The following FRMD4B variants were observed in gnomAD, a reference collection of about 807,000 sequenced individuals.
FRMD4B encodes FERM domain-containing protein 4B.
Under a neutral mutation model 141.5 loss-of-function variants are expected in FRMD4B, and 74 were observed. The ratio of observed to expected loss-of-function variants is 0.52; its 90% CI spans 0.43 to 0.63. The LOEUF (loss-of-function observed/expected upper bound fraction) is 0.63. Ranked by LOEUF, FRMD4B falls within the 30% of genes least tolerant of loss-of-function variation. The pLI, the probability that FRMD4B is intolerant of heterozygous loss-of-function variation, is 0.00. For synonymous variants in FRMD4B, 506 were observed against 467.9 expected (o/e 1.08, Z -1.05); for missense variants, 1,366 against 1,253.4 (o/e 1.09, Z -1.36).
chr3:69,301,246 C>T (rs1425364853), intron 4 of FRMD4B, among the ~76,000 whole-genome samples: 1 of 152,094 alleles, frequency 6.6e-6, no homozygotes, highest in African/African-American at 2.4e-5. Context: ...GGGGTCAGTA[C>T]ATAAGGAGGG....
chr3:69,441,538 C>T (rs533888750), intron 1 of FRMD4B, among the ~76,000 whole-genome samples: 12 of 152,294 alleles, frequency 7.9e-5, no homozygotes, highest in African/African-American at 2.6e-4. Context: ...GCACTTGCCA[C>T]AATTTGAATT....
chr3:69,267,602 T>C (rs916568731), intron 5 of FRMD4B, among the ~76,000 whole-genome samples: 2,547 of 94,278 alleles, frequency 0.027, 91 homozygotes, highest in Middle Eastern at 0.047. Flanking sequence ...TGTGTATATA[T>C]ATATATATAT....
At chr3:69,272,926 G>A (rs1324847298) in intron 5 of FRMD4B, among the ~76,000 whole-genome samples, 1 of 152,162 alleles carries the variant, frequency 6.6e-6, no homozygotes, top group African/African-American at 2.4e-5. Context: ...CTCTACAAAA[G>A]TATGAAAATA....
At chr3:69,221,274 T>C (rs1278424599) in intron 9 of FRMD4B, among the ~76,000 whole-genome samples, 1 of 152,148 alleles carries the variant, frequency 6.6e-6, no homozygotes, top group East Asian at 1.9e-4. Context: ...TTCTTAATAA[T>C]GGGTGGTAAC....
chr3:69,490,707 A>G (rs569286809), intron 1 of FRMD4B, among the ~76,000 whole-genome samples: 32 of 152,220 alleles, frequency 2.1e-4, no homozygotes, highest in African/African-American at 7.0e-4. Context: ...CTTGCTTGCT[A>G]AAGGATTTAC....
chr3:69,506,748 T>G (rs1454889029), intron 1 of FRMD4B, among the ~76,000 whole-genome samples: 2 of 152,044 alleles, frequency 1.3e-5, no homozygotes, highest in Non-Finnish European at 2.9e-5. Flanking sequence ...CTCACTATGT[T>G]GCCCAGGCTG....
intron 1 of FRMD4B, among the ~76,000 whole-genome samples, chr3:69,314,320 G>A (rs1701731891): frequency 6.7e-6 from 1 of 149,602 alleles, no homozygotes; most frequent in African/African-American, 2.5e-5. Flanking sequence ...TTGAGGCCAG[G>A]AGTTTGAGAC....
chr3:69,504,629 G>T (rs779387122), intron 1 of FRMD4B, among the ~76,000 whole-genome samples: 1 of 152,154 alleles, frequency 6.6e-6, no homozygotes, highest in Non-Finnish European at 1.5e-5. Flanking sequence ...CCACATTATA[G>T]ATCTACCAAC....
intron 1 of FRMD4B, chr3:69,376,723 G>T (rs916390480): frequency 4.0e-5 from 6 of 151,886 alleles, no homozygotes; most frequent in African/African-American, 1.5e-4. Context: ...ATTACATATG[G>T]GTGTTAATTT....
chr3:69,378,956 G>C (rs1352588648), intron 1 of FRMD4B, among the ~76,000 whole-genome samples: 1 of 152,036 alleles, frequency 6.6e-6, no homozygotes, highest in African/African-American at 2.4e-5. Flanking sequence ...CTTCCCTTTT[G>C]CATTATTCCT....
chr3:69,462,760 G>A (rs560790726), intron 1 of FRMD4B, among the ~76,000 whole-genome samples: 2 of 152,354 alleles, frequency 1.3e-5, no homozygotes, highest in South Asian at 4.1e-4. Flanking sequence ...CTCTGCCACA[G>A]TCACCAACTG....
chr3:69,236,181 AG>A (rs2093344476), intron 7 of FRMD4B, among the ~76,000 whole-genome samples: 2 of 151,968 alleles, frequency 1.3e-5, no homozygotes. Context: ...GTCCCTTAGT[AG>A]TGAGGACACC....
intron 11 of FRMD4B, among the ~76,000 whole-genome samples, chr3:69,206,248 G>A (rs1176917174): frequency 6.6e-6 from 1 of 152,140 alleles, no homozygotes; most frequent in Admixed American, 6.6e-5. Context: ...TACTCGGGAG[G>A]CTGAGGCAGG....
chr3:69,279,685 TCCTC>T (rs1382105823), intron 5 of FRMD4B, among the ~76,000 whole-genome samples: 2 of 42,358 alleles, frequency 4.7e-5, no homozygotes, highest in African/African-American at 1.3e-4. Flanking sequence ...CTCCTCCTCC[TCCTC>T]CCCTCCTCCT....
intron 1 of FRMD4B, among the ~76,000 whole-genome samples, chr3:69,365,695 A>C (rs906954693): frequency 2.0e-5 from 3 of 151,864 alleles, no homozygotes; most frequent in Non-Finnish European, 4.4e-5. Context: ...ACGGGGCTTC[A>C]CCATGTTGGC....
chr3:69,200,665 G>A, intron 11 of FRMD4B: 1 of 1,247,602 alleles, frequency 8.0e-7, no homozygotes, highest in Non-Finnish European at 1.0e-6. Flanking sequence ...GTTCTCAGTG[G>A]CAGATTTTCC....
At chr3:69,457,041 C>CGT (rs532828341) in intron 1 of FRMD4B, among the ~76,000 whole-genome samples, 38 of 151,194 alleles carry the variant, frequency 2.5e-4, no homozygotes, top group Admixed American at 5.9e-4. Flanking sequence ...CACACACAAA[C>CGT]GTGTGTGTGT....
At chr3:69,353,626 G>A in intron 1 of FRMD4B, 1 of 984,540 alleles carries the variant, frequency 1.0e-6, no homozygotes, top group Non-Finnish European at 1.2e-6. Flanking sequence ...AAGCACTTGT[G>A]CGGTGTGTGT....
intron 4 of FRMD4B, among the ~76,000 whole-genome samples, chr3:69,300,817 C>G (rs1043914579): frequency 6.6e-6 from 1 of 152,200 alleles, no homozygotes; most frequent in African/African-American, 2.4e-5. Context: ...TGGCTCACTG[C>G]AGCCTCCGCC....
Sources: allele counts gnomAD v4.1 joint callset (sites outside exome capture counted in the v4.1 genomes callset), GRCh38; gene constraint gnomAD v4.1.1; transcripts MANE v1.5; gene names NCBI Gene and HGNC (gene_info 2026-07-23, HGNC 2026-07-21).